Variants in FBN2 observed in about 807,000 individuals in gnomAD.
FBN2 encodes fibrillin 2.
A neutral mutation model predicts 355.6 loss-of-function variants in FBN2; 105 were observed. That is an observed-to-expected ratio of 0.30 (90% CI 0.25 to 0.35). The LOEUF is 0.35. Among genes scored for constraint, FBN2 ranks in the 10% least tolerant of loss-of-function variants. The pLI, the probability that FBN2 is intolerant of heterozygous loss-of-function variation, is 1.00. For synonymous variants in FBN2, 1,350 were observed against 1,301.2 expected, an observed-to-expected ratio of 1.04 and a Z score of -0.81; for missense variants, 3,280 against 3,758.7, an observed-to-expected ratio of 0.87 and a Z score of 3.33.
intron 62 of FBN2, among the ~76,000 whole-genome samples, chr5:128,267,425 T>G (rs550925297): frequency 6.6e-6 from 1 of 152,300 alleles, no homozygotes; most frequent in Admixed American, 6.5e-5. Context: ...TGAACTAATT[T>G]CCATTCCCAC....
At chr5:128,493,671 A>C (rs941130590) in intron 5 of FBN2, among the ~76,000 whole-genome samples, 1 of 152,198 alleles carries the variant, frequency 6.6e-6, no homozygotes, top group South Asian at 2.1e-4. Context: ...ACTGAGAAGA[A>C]TGTAGGAAAA....
In FBN2 at chr5:128,364,698, T is replaced by A; in HGVS notation, c.2330A>T (p.Asp777Val). The change falls in exon 18 of 65, where the codon GAT (aspartate) becomes GTT (valine). Residue 777 changes from aspartate (D) to valine (V), a missense_variant. Physicochemically the swap from Asp to Val is radical, Grantham distance 152 (BLOSUM62 -3). Around this residue, in one of 6 missense-constraint regions of FBN2, gnomAD observed 2,284 missense variants for 2,749.5 expected, o/e 0.83. Transcript: ENST00000262464. ...TTCACAAATCCCATTGGCACATATATCAGGATCCAAAGCACATTCATTGAT... is the reference window on the plus strand; with the variant it reads ...TTCACAAATCCCATTGGCACATATAACAGGATCCAAAGCACATTCATTGAT... ...RDINECALDP[D>V]ICANGICENL... The A allele has an allele frequency of 6.2e-7, 1 of 1,613,046 alleles. No homozygotes were observed. Among genetic ancestry groups the A allele is most frequent in the Non-Finnish European group, 8.5e-7 (1 of 1,179,092 alleles).
intron 52 of FBN2, 24 bp from the exon 53 acceptor site, chr5:128,288,581 GC>G: frequency 6.2e-7 from 1 of 1,611,496 alleles, no homozygotes; most frequent in South Asian, 1.1e-5. Context: ...ATAAGAAACT[GC>G]CACAAAGATG....
chr5:128,422,853 A>G (rs1433958673), intron 7 of FBN2, among the ~76,000 whole-genome samples: 1 of 152,314 alleles, frequency 6.6e-6, no homozygotes, highest in Admixed American at 6.5e-5. Flanking sequence ...CTTTGGTACT[A>G]TCCTTTTTTT....
intron 5 of FBN2, among the ~76,000 whole-genome samples, chr5:128,495,494 A>G (rs1313249982): frequency 2.0e-5 from 3 of 152,152 alleles, no homozygotes. Context: ...AAGATATCCA[A>G]ATGTAGACAT....
intron 39 of FBN2, among the ~76,000 whole-genome samples, chr5:128,310,381 TATATATATATA>T (rs1253893912): frequency 8.2e-5 from 1 of 12,132 alleles, no homozygotes; most frequent in African/African-American, 3.6e-4. Flanking sequence ...TATATATATA[TATATATATATA>T]TATATATATA....
chr5:128,438,257 T>C (rs908747627), intron 7 of FBN2, among the ~76,000 whole-genome samples: 1 of 152,240 alleles, frequency 6.6e-6, no homozygotes, highest in African/African-American at 2.4e-5. Context: ...CCTCCCAAAG[T>C]GCTGGGATTA....
At chr5:128,489,570 A>T (rs1461907347) in intron 5 of FBN2, among the ~76,000 whole-genome samples, 1 of 152,194 alleles carries the variant, frequency 6.6e-6, no homozygotes, top group Non-Finnish European at 1.5e-5. Flanking sequence ...TGAATGAGAA[A>T]TGATAAAATG....
intron 34 of FBN2, chr5:128,328,212 G>A (rs968403311): frequency 4.2e-6 from 1 of 240,484 alleles, no homozygotes; most frequent in Non-Finnish European, 8.2e-6. Flanking sequence ...GGAACCACTA[G>A]TATTAAGCAA....
intron 11 of FBN2, among the ~76,000 whole-genome samples, chr5:128,386,460 C>T (rs547508790): frequency 6.6e-5 from 10 of 152,066 alleles, no homozygotes; most frequent in Non-Finnish European, 1.5e-4. Flanking sequence ...TAGTGTGATG[C>T]CTCTAGCTTC....
intron 11 of FBN2, among the ~76,000 whole-genome samples, chr5:128,380,366 C>A (rs1293623103): frequency 6.6e-6 from 1 of 152,028 alleles, no homozygotes; most frequent in Non-Finnish European, 1.5e-5. Flanking sequence ...TTTACAGCAG[C>A]CTCAACATAA....
At chr5:128,450,032 G>A (rs1407471151) in intron 6 of FBN2, among the ~76,000 whole-genome samples, 1 of 152,042 alleles carries the variant, frequency 6.6e-6, no homozygotes, top group Non-Finnish European at 1.5e-5. Context: ...AACTCCTGGA[G>A]CAAGGGTAAT....
At chr5:128,302,040 T>A (rs1749733574) in intron 46 of FBN2, among the ~76,000 whole-genome samples, 1 of 152,190 alleles carries the variant, frequency 6.6e-6, no homozygotes, top group Non-Finnish European at 1.5e-5. Context: ...AAGTTTTAGT[T>A]CTCCCTGACT....
At chr5:128,354,723 G>A (rs1032729196) in intron 20 of FBN2, among the ~76,000 whole-genome samples, 9 of 152,162 alleles carry the variant, frequency 5.9e-5, no homozygotes, top group Non-Finnish European at 8.8e-5. Context: ...TGCTGCCAAG[G>A]TTTTAAGGGG....
In FBN2 at chr5:128,511,282, T is replaced by C. The variant is rs915147384; in HGVS notation, c.628+7991A>G. ...TGCTTTCAAGCATACAAGTCATTCA[T>C]AGCTCCTCTACTCAGTGCCTACTTG... On this transcript the variant is annotated intron_variant, in intron 5 of 64. Coordinates refer to ENST00000262464, the MANE Select transcript of FBN2 (RefSeq NM_001999.4). 3.3e-5 allele frequency among the ~76,000 whole-genome samples: 5 copies of C among 152,202 alleles called. No individual in the cohort carries two copies. The South Asian group carries it at 8.3e-4, about 25-fold the overall frequency.
At chr5:128,484,764 A>T (rs1321495981) in intron 5 of FBN2, among the ~76,000 whole-genome samples, 5 of 152,144 alleles carry the variant, frequency 3.3e-5, no homozygotes, top group Non-Finnish European at 7.4e-5. Context: ...AGAGGTATGA[A>T]AGGTATGGTA....
chr5:128,276,712 C>A (rs899525303), intron 58 of FBN2, among the ~76,000 whole-genome samples: 1 of 152,184 alleles, frequency 6.6e-6, no homozygotes, highest in African/African-American at 2.4e-5. Context: ...TCCCTCCCTG[C>A]AAGATAGGCT....
chr5:128,302,856 G>T, intron 46 of FBN2, 117 bp downstream of exon 46: 1 of 735,990 alleles, frequency 1.4e-6, no homozygotes. Flanking sequence ...ATATCTTTTG[G>T]CACATATTTG....
At chr5:128,340,755 A>G (rs1750991891) in intron 25 of FBN2, among the ~76,000 whole-genome samples, 1 of 152,062 alleles carries the variant, frequency 6.6e-6, no homozygotes, top group African/African-American at 2.4e-5. Flanking sequence ...TTAAATGACT[A>G]TTTGTTAAGT....
Sources: allele counts gnomAD v4.1 joint callset (sites outside exome capture counted in the v4.1 genomes callset), GRCh38; gene constraint gnomAD v4.1.1; regional missense constraint gnomAD v4.1.1; transcripts MANE v1.5; gene names NCBI Gene and HGNC (gene_info 2026-07-23, HGNC 2026-07-21).